Variants in SLIT2 observed in about 807,000 individuals in gnomAD.
SLIT2 encodes the protein slit homolog 2 protein.
SLIT2 carries 41 observed loss-of-function variants against 185.7 expected under a neutral mutation model. That is an observed-to-expected ratio of 0.22 (90% CI 0.17 to 0.29). The LOEUF is 0.29. Ranked by LOEUF, SLIT2 falls within the 10% of genes least tolerant of loss-of-function variation. The pLI is 1.00. For missense variants in SLIT2, 1,571 were observed against 1,909.0 expected, an observed-to-expected ratio of 0.82 and a Z score of 3.30; for synonymous variants, 693 against 680.2, an observed-to-expected ratio of 1.02 and a Z score of -0.29.
In SLIT2 at chr4:20,567,563, T is replaced by C. The variant is rs1725204245; in HGVS notation, c.2896T>C (p.Cys966Arg). 1.2e-6 allele frequency: 2 copies of C among 1,613,280 alleles called. No homozygotes were observed. The highest frequency in any genetic ancestry group is 1.7e-6 in the Non-Finnish European group (2 of 1,179,536). The change falls in exon 28 of 37, where the codon TGT (cysteine) becomes CGT (arginine). Residue 966 changes from cysteine to arginine, a missense_variant. Cys to Arg is a radical substitution (Grantham distance 180, BLOSUM62 -3). Around this residue, in one of 3 missense-constraint regions of SLIT2, gnomAD observed 1,202 missense variants for 1,416.4 expected, o/e 0.85. Transcript: ENST00000504154. ...VPIHACISNP[C>R]KHGGTCHLKE... ...AATTCATGCCTGCATCAGTAACCCA[T>C]GTAAACATGGAGGAACTTGCCACTT...
intron 4 of SLIT2, among the ~76,000 whole-genome samples, chr4:20,439,183 G>A (rs2148696849): frequency 6.6e-6 from 1 of 152,242 alleles, no homozygotes; most frequent in African/African-American, 2.4e-5. Context: ...ACAGTTCCGA[G>A]GTATTAATTA....
chr4:20,428,532 T>C (rs894364002), intron 4 of SLIT2, among the ~76,000 whole-genome samples: 6 of 152,202 alleles, frequency 3.9e-5, no homozygotes, highest in African/African-American at 1.4e-4. Flanking sequence ...TGCCGAGATA[T>C]ACTTATTATA....
In SLIT2 at chr4:20,511,058, A is replaced by T. The variant is rs537306177; in HGVS notation, c.987-8A>T. ...TTGAATGTAACCTAACCCTATTTCT[A>T]ATCTTAGTGACCTGAGCAATAATCA... On this transcript the variant is annotated splice_polypyrimidine_tract_variant and splice_region_variant and intron_variant, in intron 10 of 36. Transcript: ENST00000504154. The T allele has an allele frequency of 6.4e-7, 1 of 1,574,070 alleles. No individual in the cohort carries two copies. Among genetic ancestry groups the T allele is most frequent in the Admixed American group, 1.7e-5 (1 of 59,920 alleles).
At chr4:20,460,222 A>C (rs917995212) in intron 4 of SLIT2, among the ~76,000 whole-genome samples, 3 of 151,944 alleles carry the variant, frequency 2.0e-5, no homozygotes, top group Non-Finnish European at 2.9e-5. Context: ...GCGATGGTGT[A>C]CCACATGCCA....
intron 29 of SLIT2, among the ~76,000 whole-genome samples, chr4:20,586,672 TAAAC>T (rs1378323081): frequency 3.3e-5 from 5 of 152,160 alleles, no homozygotes; most frequent in South Asian, 4.1e-4. Context: ...ATTAAGTACA[TAAAC>T]AAATATATAC....
intron 4 of SLIT2, among the ~76,000 whole-genome samples, chr4:20,457,619 A>G (rs1337156069): frequency 3.9e-5 from 6 of 152,104 alleles, no homozygotes; most frequent in Admixed American, 3.9e-4. Flanking sequence ...AAAACTTTCT[A>G]TATTTTCTTA....
chr4:20,365,921 T>C (rs78710124), intron 4 of SLIT2, among the ~76,000 whole-genome samples: 4,251 of 152,252 alleles, frequency 0.028, 205 homozygotes, highest in African/African-American at 0.098. Context: ...ATTAGCTTTA[T>C]GTAGCTGTGT....
At chr4:20,471,865 G>A (rs1715065756) in intron 5 of SLIT2, among the ~76,000 whole-genome samples, 1 of 152,024 alleles carries the variant, frequency 6.6e-6, no homozygotes, top group Non-Finnish European at 1.5e-5. Flanking sequence ...AACATCTCCA[G>A]GGAGGACTTC....
chr4:20,307,579 A>G lies in SLIT2; in HGVS notation c.395+38698A>G, dbSNP rs558381854. 8.1e-4 allele frequency among the ~76,000 whole-genome samples: 124 copies of G among 152,176 alleles called. 2 individuals carry two copies. Among genetic ancestry groups the G allele is most frequent in the Admixed American group, 1.4e-3 (22 of 15,280 alleles). ...TCAGCCAGTTTCTTATTCTTGTTAG[A>G]CATTTGATTAATACTTGTTCAATCT... is the stretch of plus-strand genomic sequence containing the variant. On this transcript the variant is annotated intron_variant, in intron 4 of 36. Coordinates refer to ENST00000504154, the MANE Select transcript of SLIT2 (RefSeq NM_004787.4).
At chr4:20,450,930 A>G (rs890951357) in intron 4 of SLIT2, among the ~76,000 whole-genome samples, 1 of 152,304 alleles carries the variant, frequency 6.6e-6, no homozygotes, top group East Asian at 1.9e-4. Context: ...TAAAAAGAAA[A>G]AGGAGACCCT....
chr4:20,277,210 A>C (rs966012950), intron 4 of SLIT2, among the ~76,000 whole-genome samples: 3 of 152,020 alleles, frequency 2.0e-5, no homozygotes, highest in African/African-American at 7.2e-5. Context: ...ACCTAAGGGG[A>C]AAAAAAACTT....
At chr4:20,316,608 A>G (rs921527732) in intron 4 of SLIT2, among the ~76,000 whole-genome samples, 1 of 151,728 alleles carries the variant, frequency 6.6e-6, no homozygotes, top group Non-Finnish European at 1.5e-5. Flanking sequence ...TGATTCACAG[A>G]AATCTCTGTG....
intron 4 of SLIT2, among the ~76,000 whole-genome samples, chr4:20,423,603 TCTGCCTTTGATTCTCACAATTTCACATGG>T (rs1728329478): frequency 2.0e-5 from 3 of 152,040 alleles, no homozygotes; most frequent in South Asian, 2.1e-4. Flanking sequence ...CCACAAGAGG[TCTGCCTTTGATTCTCACAATTTCACATGG>T]GACCTTTCTC....
chr4:20,560,629 T>A lies in SLIT2; in HGVS notation c.2726-6633T>A, dbSNP rs1403521418. 2.0e-5 allele frequency among the ~76,000 whole-genome samples: 3 copies of A among 151,988 alleles called. No individual in the cohort carries two copies. In the East Asian group the frequency reaches 5.8e-4, roughly 29 times the overall value. ...GTCAGTGTGGAAAGTGGAACATTGT[T>A]AATTTCTAATATTCCCTTTATTTCT... On this transcript the variant is annotated intron_variant, in intron 26 of 36. Transcript: ENST00000504154.
At chr4:20,367,117 A>T (rs1723178896) in intron 4 of SLIT2, among the ~76,000 whole-genome samples, 1 of 152,162 alleles carries the variant, frequency 6.6e-6, no homozygotes. Context: ...TTTTAAATTT[A>T]TATAAATCCA....
chr4:20,499,760 T>C (rs182260261), intron 9 of SLIT2, among the ~76,000 whole-genome samples: 5 of 151,666 alleles, frequency 3.3e-5, no homozygotes, highest in Admixed American at 3.3e-4. Context: ...AGTGCTGGGA[T>C]TACAGGGACA....
At chr4:20,302,890 A>G (rs1717186287) in intron 4 of SLIT2, among the ~76,000 whole-genome samples, 1 of 152,198 alleles carries the variant, frequency 6.6e-6, no homozygotes, top group South Asian at 2.1e-4. Flanking sequence ...CTTTCATGAT[A>G]TAAATTTACC....
intron 29 of SLIT2, among the ~76,000 whole-genome samples, chr4:20,573,622 CAT>C (rs1379882581): frequency 6.6e-6 from 1 of 151,988 alleles, no homozygotes; most frequent in South Asian, 2.1e-4. Context: ...GAATGAAAAA[CAT>C]AGGTTATTTA....
chr4:20,561,635 A>G (rs754481230), intron 26 of SLIT2, among the ~76,000 whole-genome samples: 19 of 151,708 alleles, frequency 1.3e-4, no homozygotes, highest in Non-Finnish European at 2.5e-4. Context: ...ATCAGTTTTG[A>G]AGCATTATTT....
Sources: allele counts gnomAD v4.1 joint callset (sites outside exome capture counted in the v4.1 genomes callset), GRCh38; gene constraint gnomAD v4.1.1; regional missense constraint gnomAD v4.1.1; transcripts MANE v1.5; gene names NCBI Gene and HGNC (gene_info 2026-07-23, HGNC 2026-07-21).